TTC27: variants seen among roughly 807,000 people sequenced by gnomAD.
TTC27 encodes the protein tetratricopeptide repeat protein 27.
In TTC27, 79 loss-of-function variants were observed where a neutral mutation model predicts 115.9. The observed-to-expected ratio is 0.68, with a 90% confidence interval of 0.57 to 0.82. TTC27 has a LOEUF of 0.82. Among genes scored for constraint, TTC27 ranks in the 40% least tolerant of loss-of-function variants. TTC27 has a pLI of 0.00. For synonymous variants in TTC27, 401 were observed against 356.0 expected (o/e 1.13, Z -1.42); for missense variants, 1,054 against 993.1 (o/e 1.06, Z -0.82).
chr2:32,695,135 A>G (rs1666941010), intron 9 of TTC27, among the ~76,000 whole-genome samples: 2 of 152,174 alleles, frequency 1.3e-5, no homozygotes, highest in African/African-American at 4.8e-5. Context: ...AGTATTATCA[A>G]TATGCAGAAC....
At chr2:32,630,496 T>C in intron 1 of TTC27, 27 bp from the exon 2 acceptor site, 1 of 1,556,430 alleles carries the variant, frequency 6.4e-7, no homozygotes, top group Non-Finnish European at 8.7e-7. Flanking sequence ...TTTTTTTGGA[T>C]TACCGCACTA....
intron 16 of TTC27, among the ~76,000 whole-genome samples, chr2:32,792,086 T>C (rs1670556591): frequency 6.6e-6 from 1 of 152,214 alleles, no homozygotes; most frequent in Non-Finnish European, 1.5e-5. Flanking sequence ...AGTTTAGTTT[T>C]GCTTTTTCTT....
Position 32,664,344 on chromosome 2 carries a change from T to C in TTC27, c.682T>C (p.Tyr228His), listed in dbSNP as rs1665682303. The C allele has an allele frequency of 8.7e-6, 14 of 1,610,732 alleles. No homozygotes were observed. The highest frequency in any genetic ancestry group is 1.2e-5 in the Non-Finnish European group (14 of 1,178,314). ...TCTGTTTGTAGATGATTCAGGTCGA[T>C]ATTTGGCTATTCAATTCCATCTGGA... is the stretch of plus-strand genomic sequence containing the variant. ...QNLFVDDSGR[Y>H]LAIQFHLECA... Residue 228 changes from tyrosine (Y) to histidine (H), a missense_variant, in exon 6 of 20, where the codon TAT becomes CAT. Tyr to His is a moderately conservative substitution (Grantham distance 83). Transcript: ENST00000317907.
At chr2:32,793,574 A>G (rs1417416431) in intron 16 of TTC27, among the ~76,000 whole-genome samples, 1 of 152,164 alleles carries the variant, frequency 6.6e-6, no homozygotes, top group Admixed American at 6.5e-5. Context: ...CCAGGCTGGA[A>G]TACAATGGTG....
chr2:32,789,050 C>T (rs1386841216), intron 16 of TTC27, among the ~76,000 whole-genome samples: 1 of 152,148 alleles, frequency 6.6e-6, no homozygotes, highest in Admixed American at 6.5e-5. Flanking sequence ...CTATGTCTAA[C>T]TCTGGATGGA....
intron 13 of TTC27, among the ~76,000 whole-genome samples, chr2:32,765,204 A>G (rs1263732867): frequency 1.3e-5 from 2 of 152,226 alleles, no homozygotes; most frequent in Non-Finnish European, 2.9e-5. Flanking sequence ...CTCAAATAAT[A>G]AAACTTGAAA....
chr2:32,645,901 G>A (rs1303834413), intron 4 of TTC27, among the ~76,000 whole-genome samples: 3 of 151,314 alleles, frequency 2.0e-5, no homozygotes, highest in Non-Finnish European at 4.4e-5. Flanking sequence ...TGTATTTTTC[G>A]GAGAGATGGA....
At chr2:32,753,232 C>A (rs534191435) in intron 12 of TTC27, among the ~76,000 whole-genome samples, 1 of 152,030 alleles carries the variant, frequency 6.6e-6, no homozygotes, top group Non-Finnish European at 1.5e-5. Context: ...GGACTCCAAG[C>A]GAGGATTGCA....
At chr2:32,734,924 T>C (rs1285280858) in intron 11 of TTC27, among the ~76,000 whole-genome samples, 1 of 152,168 alleles carries the variant, frequency 6.6e-6, no homozygotes. Context: ...TAAAAATATC[T>C]GTTTTACACG....
chr2:32,657,614 T>C (rs1665377632), intron 5 of TTC27, among the ~76,000 whole-genome samples: 1 of 152,168 alleles, frequency 6.6e-6, no homozygotes, highest in Non-Finnish European at 1.5e-5. Context: ...AAGGGGTATC[T>C]GTTTCTTAGC....
At chr2:32,696,140 T>A (rs894670630) in intron 9 of TTC27, among the ~76,000 whole-genome samples, 26 of 149,204 alleles carry the variant, frequency 1.7e-4, no homozygotes, top group Non-Finnish European at 1.6e-4. Flanking sequence ...AAAAAAAAAA[T>A]AATTGTTCTT....
At chr2:32,741,250 ATC>A (rs1312480676) in intron 12 of TTC27, among the ~76,000 whole-genome samples, 1 of 152,182 alleles carries the variant, frequency 6.6e-6, no homozygotes, top group African/African-American at 2.4e-5. Context: ...TGGTGGTACC[ATC>A]CACCTGTGTA....
rs147762443 is a variant in TTC27, at chr2:32,753,538, C to T, written c.1453-4754C>T. Among the ~76,000 whole-genome samples the T allele has an allele frequency of 7.0e-3, 1,054 of 149,924 alleles. 43 individuals carry two copies. In the East Asian group the frequency reaches 0.089, roughly 13 times the overall value. On this transcript the variant is annotated intron_variant, in intron 12 of 19. Transcript: ENST00000317907. Reference sequence around the variant, plus strand: ...CTGCAACCTCTGCCTCCCACTCTGCCTCCCAGGCTCAAGTGATTCTCCTGC... The same window carrying T: ...CTGCAACCTCTGCCTCCCACTCTGCTTCCCAGGCTCAAGTGATTCTCCTGC...
intron 4 of TTC27, among the ~76,000 whole-genome samples, chr2:32,641,605 G>A (rs1377474081): frequency 6.6e-6 from 1 of 152,184 alleles, no homozygotes; most frequent in African/African-American, 2.4e-5. Context: ...ACCCCATAGT[G>A]TCAGAAATAG....
In TTC27 at chr2:32,696,136, A is replaced by AT. The variant is rs1213868649; in HGVS notation, c.1120-6671_1120-6670insT. Among the ~76,000 whole-genome samples, 165 of 150,128 alleles carry AT rather than the reference A, an allele frequency of 1.1e-3. 1 individual carries two copies. The highest frequency in any genetic ancestry group is 3.8e-3 in the African/African-American group (156 of 40,686). On this transcript the variant is annotated intron_variant, in intron 9 of 19. Transcript: ENST00000317907. ...GAGACTCTACCTCAAAAAAAAAAAA[A>AT]AAATAATTGTTCTTTTGTGACTGAC... is the stretch of plus-strand genomic sequence containing the variant.
Position 32,733,907 on chromosome 2 carries a change from C to T in TTC27, c.1313C>T (p.Pro438Leu), listed in dbSNP as rs1161417994. The T allele has an allele frequency of 1.2e-6, 2 of 1,610,552 alleles. No homozygotes were observed. The highest frequency in any genetic ancestry group is 1.1e-5 in the South Asian group (1 of 90,664). ...ATTTTCTATTGCTGTCAAGTACCAC[C>T]TCACTGGGCCATTCAGGTATTTCTG... is the stretch of plus-strand genomic sequence containing the variant. ...LKIFYCCQVPPHWAIQRQLAS... is the reference protein window; with the variant it reads ...LKIFYCCQVPLHWAIQRQLAS... Residue 438 changes from proline (P) to leucine (L), a missense_variant, in exon 11 of 20, where the codon CCT (proline) becomes CTT (leucine). Pro to Leu is a moderately conservative substitution (Grantham distance 98, BLOSUM62 -3). Transcript: ENST00000317907.
intron 9 of TTC27, among the ~76,000 whole-genome samples, chr2:32,685,942 GT>G (rs1666613904): frequency 6.6e-6 from 1 of 152,134 alleles, no homozygotes; most frequent in African/African-American, 2.4e-5. Context: ...GAGGTGACAT[GT>G]TTATGTCATA....
At chr2:32,740,981 C>T (rs567126049) in intron 12 of TTC27, among the ~76,000 whole-genome samples, 110 of 152,290 alleles carry the variant, frequency 7.2e-4, no homozygotes, top group African/African-American at 2.5e-3. Flanking sequence ...CTCCTGTTTC[C>T]ATTGCCAACT....
chr2:32,754,837 C>T (rs964917445), intron 12 of TTC27, among the ~76,000 whole-genome samples: 9 of 142,280 alleles, frequency 6.3e-5, no homozygotes, highest in Admixed American at 4.8e-4. Flanking sequence ...ACCCCCCCCA[C>T]CTCCCTCCCG....
Sources: gnomAD v4.1 joint callset for allele counts (sites outside exome capture counted in the v4.1 genomes callset) on GRCh38, gnomAD v4.1.1 for gene constraint, MANE v1.5 for transcripts, NCBI Gene and HGNC (gene_info 2026-07-23, HGNC 2026-07-21) for gene names.